LSM2: variants seen among roughly 807,000 people sequenced by gnomAD.
LSM2 encodes U6 snRNA-associated Sm-like protein LSm2.
A neutral mutation model predicts 17.0 loss-of-function variants in LSM2; 12 were observed. That is an observed-to-expected ratio of 0.70 (90% CI 0.45 to 1.14). LSM2 has a LOEUF of 1.14. Among genes scored for constraint, LSM2 ranks in the 50% most tolerant of loss-of-function variants. LSM2 has a pLI of 0.00. For synonymous variants in LSM2, 42 were observed against 44.5 expected (o/e 0.94, Z 0.22); for missense variants, 62 against 111.8 (o/e 0.55, Z 2.01).
At chr6:31,801,828 AT>A (rs1814725999) in intron 2 of LSM2, among the ~76,000 whole-genome samples, 1 of 151,896 alleles carries the variant, frequency 6.6e-6, no homozygotes, top group Non-Finnish European at 1.5e-5. Flanking sequence ...CTTCTTTCTC[AT>A]CCCAACAGAA....
chr6:31,797,784 C>T lies in LSM2; in HGVS notation c.261G>A (p.Arg87=). 1 of 1,613,020 alleles carries T rather than the reference C, an allele frequency of 6.2e-7. No homozygotes were observed. Among genetic ancestry groups the T allele is most frequent in the Non-Finnish European group, 8.5e-7 (1 of 1,180,016 alleles). ...ACTGTTTCTGCTGCAGGGCTTCCTT[C>T]CTTGCCGCATCCTGTAGCAACTGTG... The part of the protein sequence containing the change: ...VDTQLLQDAA[R]KEALQQKQ The change falls in exon 5 of 5, where the codon AGG becomes AGA. Residue 87 remains arginine (R), a synonymous_variant. Transcript: ENST00000375661.
rs1473150091 is a variant in LSM2, at chr6:31,797,790, C to T, written c.255G>A (p.Ala85=). 25 of 1,612,980 alleles carry T rather than the reference C, an allele frequency of 1.5e-5. No individual in the cohort carries two copies. The highest frequency in any genetic ancestry group is 4.4e-5 in the South Asian group (4 of 91,074). ...TCTGCTGCAGGGCTTCCTTCCTTGC[C>T]GCATCCTGTAGCAACTGTGTGTCGA... The part of the protein sequence containing the change: ...DEVDTQLLQD[A]ARKEALQQKQ The change falls in exon 5 of 5, where the codon GCG becomes GCA. Residue 85 remains alanine (A), a synonymous_variant. Transcript: ENST00000375661.
At chr6:31,800,792 T>C (rs1047053492) in intron 2 of LSM2, among the ~76,000 whole-genome samples, 4 of 149,540 alleles carry the variant, frequency 2.7e-5, no homozygotes, top group African/African-American at 9.9e-5. Flanking sequence ...GAGGCTGAGG[T>C]AGAAAAATGG....
At chr6:31,798,396 A>G in intron 3 of LSM2, 81 bp downstream of exon 3, 1 of 1,538,304 alleles carries the variant, frequency 6.5e-7, no homozygotes, top group Non-Finnish European at 9.0e-7. Flanking sequence ...TTAACCCTAG[A>G]GACATGATGT....
chr6:31,806,362 ACT>A, intron 1 of LSM2: 1 of 606,286 alleles, frequency 1.6e-6, no homozygotes, highest in South Asian at 2.0e-5. Flanking sequence ...TCCCAGAGAG[ACT>A]CTGCCCTGCA....
At chr6:31,804,822 G>T (rs1376478324) in intron 2 of LSM2, among the ~76,000 whole-genome samples, 1 of 141,574 alleles carries the variant, frequency 7.1e-6, no homozygotes, top group East Asian at 2.1e-4. Context: ...GCTGGAGTGC[G>T]GTGGCACCAT....
chr6:31,804,170 G>A (rs1295486487), intron 2 of LSM2, among the ~76,000 whole-genome samples: 1 of 152,056 alleles, frequency 6.6e-6, no homozygotes, highest in Non-Finnish European at 1.5e-5. Context: ...AGACCAGCCT[G>A]GCCTAGATGG....
At chr6:31,800,236 T>C (rs1212499979) in intron 2 of LSM2, among the ~76,000 whole-genome samples, 1 of 151,864 alleles carries the variant, frequency 6.6e-6, no homozygotes, top group Non-Finnish European at 1.5e-5. Flanking sequence ...CTCGGGAGGC[T>C]GAAGCAGGAG....
intron 2 of LSM2, among the ~76,000 whole-genome samples, chr6:31,802,038 T>G (rs1367053122): frequency 6.6e-6 from 1 of 151,648 alleles, no homozygotes; most frequent in Non-Finnish European, 1.5e-5. Context: ...TCCCAGCACT[T>G]TGGGAGGCCG....
At chr6:31,804,317 G>A (rs960890415) in intron 2 of LSM2, among the ~76,000 whole-genome samples, 6 of 149,452 alleles carry the variant, frequency 4.0e-5, no homozygotes, top group East Asian at 2.0e-4. Context: ...CCGAGATTAC[G>A]CCATTGCAGT....
At chr6:31,799,946 C>T (rs1814601823) in intron 2 of LSM2, among the ~76,000 whole-genome samples, 1 of 152,186 alleles carries the variant, frequency 6.6e-6, no homozygotes, top group Non-Finnish European at 1.5e-5. Flanking sequence ...ATAATCCAAG[C>T]ATTCTGGGAG....
In LSM2 at chr6:31,806,762, C is replaced by A; in HGVS notation, c.-5G>T. Reference sequence around the variant, plus strand: ...TGACGTCACGGTACCCACCATGGTGCTGGCGCCGCGGGCAGCGGGCCGGAC... The same window carrying A: ...TGACGTCACGGTACCCACCATGGTGATGGCGCCGCGGGCAGCGGGCCGGAC... On this transcript the variant is annotated 5_prime_UTR_variant, in exon 1 of 5. Coordinates refer to ENST00000375661, the MANE Select transcript of LSM2 (RefSeq NM_021177.5). 6.2e-7 allele frequency: 1 copy of A among 1,610,000 alleles called. No individual in the cohort carries two copies. The highest frequency in any genetic ancestry group is 8.5e-7 in the Non-Finnish European group (1 of 1,178,892).
At position 31,800,974 on chromosome 6, in the gene LSM2, G is replaced by A. The variant is rs556272736; in HGVS notation, c.72-2467C>T. Among the ~76,000 whole-genome samples the A allele has an allele frequency of 2.0e-5, 3 of 151,406 alleles. No individual in the cohort carries two copies. The South Asian group carries it at 6.3e-4, about 32-fold the overall frequency. ...AGGAGGTGAGGCACGAGAATCACTT[G>A]AACCCAGGAGGAAAAAAAAAATTTA... On this transcript the variant is annotated intron_variant, in intron 2 of 4. Coordinates refer to ENST00000375661, the MANE Select transcript of LSM2 (RefSeq NM_021177.5).
Position 31,797,856 on chromosome 6 carries a change from C to T in LSM2, c.189G>A (p.Arg63=), listed in dbSNP as rs1581672343. ...GCTGCACGTATCGGACCACTGAGCC[C>T]CGAATGAAGCAGTTCTTCACTGATA... ...HMLSVKNCFI[R]GSVVRYVQLP... The change falls in exon 5 of 5, where the codon CGG becomes CGA. Residue 63 remains arginine (R), a synonymous_variant. Transcript: ENST00000375661. The T allele has an allele frequency of 6.2e-7, 1 of 1,612,906 alleles. No individual in the cohort carries two copies. The highest frequency in any genetic ancestry group is 8.5e-7 in the Non-Finnish European group (1 of 1,180,008).
intron 1 of LSM2, 97 bp downstream of exon 1, chr6:31,806,658 C>T: frequency 6.8e-7 from 1 of 1,477,250 alleles, no homozygotes; most frequent in South Asian, 1.2e-5. Context: ...ATAAAAACTC[C>T]GGACCTAACT....
intron 2 of LSM2, among the ~76,000 whole-genome samples, chr6:31,799,015 T>A (rs897187478): frequency 6.6e-6 from 1 of 151,790 alleles, no homozygotes; most frequent in Non-Finnish European, 1.5e-5. Context: ...GGATTACAGG[T>A]GTGAACCACT....
At chr6:31,800,149 A>G (rs1311159692) in intron 2 of LSM2, among the ~76,000 whole-genome samples, 1 of 152,090 alleles carries the variant, frequency 6.6e-6, no homozygotes, top group African/African-American at 2.4e-5. Flanking sequence ...AGCCTGGCCA[A>G]CATCGTGAAA....
intron 2 of LSM2, among the ~76,000 whole-genome samples, chr6:31,802,188 G>A (rs1459225248): frequency 6.6e-6 from 1 of 151,570 alleles, no homozygotes; most frequent in Non-Finnish European, 1.5e-5. Flanking sequence ...ACTGAGGCAG[G>A]AGAATCACTT....
chr6:31,803,193 C>A (rs1221656744), intron 2 of LSM2, among the ~76,000 whole-genome samples: 1 of 152,154 alleles, frequency 6.6e-6, no homozygotes, highest in Non-Finnish European at 1.5e-5. Context: ...CCATTCCCTG[C>A]CCTGTCAACG....
Sources: allele counts gnomAD v4.1 joint callset (sites outside exome capture counted in the v4.1 genomes callset), GRCh38; gene constraint gnomAD v4.1.1; transcripts MANE v1.5; gene names NCBI Gene and HGNC (gene_info 2026-07-23, HGNC 2026-07-21).